ADAMTS17: variants seen among roughly 807,000 people sequenced by gnomAD.
ADAMTS17 encodes A disintegrin and metalloproteinase with thrombospondin motifs 17.
Under a neutral mutation model 141.5 loss-of-function variants are expected in ADAMTS17, and 113 were observed. That is an observed-to-expected ratio of 0.80 (90% confidence interval 0.69 to 0.93). The LOEUF (loss-of-function observed/expected upper bound fraction) is 0.93, where lower values mean the gene tolerates loss of function less well. Among genes scored for constraint, ADAMTS17 ranks in the 40% least tolerant of loss-of-function variants. The pLI is 0.00. For missense variants in ADAMTS17, 1,659 were observed against 1,517.9 expected (o/e 1.09, Z -1.54); for synonymous variants, 768 against 630.6 (o/e 1.22, Z -3.27).
chr15:100,162,422 CTATA>C (rs565707655), intron 8 of ADAMTS17, among the ~76,000 whole-genome samples: 6 of 142,180 alleles, frequency 4.2e-5, no homozygotes, highest in East Asian at 4.1e-4. Flanking sequence ...GTATATATAA[CTATA>C]TAGTTATATA....
intron 7 of ADAMTS17, among the ~76,000 whole-genome samples, chr15:100,233,438 T>A (rs558562476): frequency 9.5e-4 from 145 of 152,160 alleles, no homozygotes; most frequent in Middle Eastern, 6.8e-3. Flanking sequence ...TCCCTAGCAC[T>A]GTGTCCTGAG....
chr15:100,005,536 G>C (rs570699168), intron 18 of ADAMTS17, among the ~76,000 whole-genome samples: 2 of 152,160 alleles, frequency 1.3e-5, no homozygotes, highest in East Asian at 1.9e-4. Context: ...TTCTCACACT[G>C]TGTCACTCCG....
intron 2 of ADAMTS17, among the ~76,000 whole-genome samples, chr15:100,335,965 T>C (rs1366810426): frequency 2.0e-5 from 3 of 152,214 alleles, no homozygotes. Flanking sequence ...CCCTCAGATG[T>C]ACTGGCTGCA....
chr15:100,121,007 A>G (rs1041515671), intron 12 of ADAMTS17, among the ~76,000 whole-genome samples: 3 of 152,254 alleles, frequency 2.0e-5, no homozygotes, highest in African/African-American at 7.2e-5. Context: ...TAATGAGAAT[A>G]TCAATAAAGA....
intron 18 of ADAMTS17, among the ~76,000 whole-genome samples, chr15:100,043,589 A>G (rs1479860748): frequency 6.6e-6 from 1 of 152,210 alleles, no homozygotes; most frequent in Non-Finnish European, 1.5e-5. Flanking sequence ...CGTGTGGGCT[A>G]TGTCTGGCCT....
intron 15 of ADAMTS17, among the ~76,000 whole-genome samples, chr15:100,060,154 T>A (rs2033003544): frequency 6.6e-6 from 1 of 152,248 alleles, no homozygotes; most frequent in South Asian, 2.1e-4. Context: ...AGCTCTGGTT[T>A]GCTGGGGAGA....
Position 100,283,086 on chromosome 15 carries a change from C to T in ADAMTS17, c.617-1685G>A, listed in dbSNP as rs2044337208. On this transcript the variant is annotated intron_variant, in intron 3 of 21. Transcript: ENST00000268070. Reference sequence around the variant, plus strand: ...AATATCATTGAGTTTGAGAAAAACACAGGCATCACTTTTAAACTCTAAACG... The same window carrying T: ...AATATCATTGAGTTTGAGAAAAACATAGGCATCACTTTTAAACTCTAAACG... Among the ~76,000 whole-genome samples the T allele has an allele frequency of 3.9e-5, 6 of 152,312 alleles. No individual in the cohort carries two copies. In the South Asian group the frequency reaches 1.2e-3, roughly 32 times the overall value.
At chr15:100,283,124 C>T (rs1596444854) in intron 3 of ADAMTS17, among the ~76,000 whole-genome samples, 2 of 152,302 alleles carry the variant, frequency 1.3e-5, no homozygotes, top group South Asian at 4.1e-4. Flanking sequence ...AAAACAGAAG[C>T]TCTCGAGGGA....
rs113251423 is a variant in ADAMTS17 at position 99,992,471 on chromosome 15, T to C, written c.2949+577A>G. On this transcript the variant is annotated intron_variant, in intron 20 of 21. Coordinates refer to ENST00000268070, the MANE Select transcript of ADAMTS17 (RefSeq NM_139057.4). ...AGAAAACAGGAATCATTCAAATATA[T>C]CAGATGAATGAATAAAAGAGGAGTT... 3.9e-5 allele frequency among the ~76,000 whole-genome samples: 6 copies of C among 152,278 alleles called. 1 individual carries two copies. The highest frequency in any genetic ancestry group is 1.4e-4 in the African/African-American group (6 of 41,544).
intron 8 of ADAMTS17, among the ~76,000 whole-genome samples, chr15:100,163,056 G>GTA (rs1422055338): frequency 6.9e-6 from 1 of 145,510 alleles, no homozygotes; most frequent in Non-Finnish European, 1.5e-5. Context: ...AACTATATAT[G>GTA]TATATATATG....
At position 99,974,209 on chromosome 15, in the gene ADAMTS17, AAGCC is replaced by A; in HGVS notation, c.*189_*192del. On this transcript the variant is annotated 3_prime_UTR_variant, in exon 22 of 22. Transcript: ENST00000268070. ...ATGCCTACTTTCTCCTCACTGTAGA[AAGCC>A]AGCCAGTGGCTGTTAACAATATATT... is the stretch of plus-strand genomic sequence containing the variant. 1 of 676,380 alleles carries A rather than the reference AAGCC, an allele frequency of 1.5e-6. No individual in the cohort carries two copies. 41.9% of individuals were successfully genotyped at this position (676,380 alleles called of 1,614,324 possible).
chr15:100,151,884 G>C (rs1169687342), intron 10 of ADAMTS17, among the ~76,000 whole-genome samples: 1 of 152,230 alleles, frequency 6.6e-6, no homozygotes, highest in Non-Finnish European at 1.5e-5. Flanking sequence ...CTTGCTGTTT[G>C]CATCATGGTG....
chr15:100,341,766 G>C (rs1433889111), intron 1 of ADAMTS17, 55 bp downstream of exon 1: 18 of 1,532,368 alleles, frequency 1.2e-5, no homozygotes, highest in Non-Finnish European at 1.4e-5. Context: ...CGAGAACGCA[G>C]AGGGAAGGTA....
chr15:100,226,788 A>G (rs528080083), intron 7 of ADAMTS17, among the ~76,000 whole-genome samples: 1 of 152,332 alleles, frequency 6.6e-6, no homozygotes, highest in African/African-American at 2.4e-5. Context: ...TAAACAGAAA[A>G]TAAGTGAGAA....
At chr15:100,017,616 C>T (rs2061317154) in intron 18 of ADAMTS17, among the ~76,000 whole-genome samples, 6 of 152,202 alleles carry the variant, frequency 3.9e-5, no homozygotes, top group South Asian at 2.1e-4. Flanking sequence ...AAACTTCCCC[C>T]GAAAACAGAC....
intron 15 of ADAMTS17, among the ~76,000 whole-genome samples, chr15:100,078,699 A>T (rs964524277): frequency 6.6e-6 from 1 of 152,240 alleles, no homozygotes; most frequent in African/African-American, 2.4e-5. Flanking sequence ...CACACGCAAC[A>T]AAAGAAAAAA....
At chr15:100,192,128 T>C (rs974210589) in intron 8 of ADAMTS17, among the ~76,000 whole-genome samples, 1 of 152,242 alleles carries the variant, frequency 6.6e-6, no homozygotes, top group Non-Finnish European at 1.5e-5. Flanking sequence ...CCGTGCCCAG[T>C]GGACGCTCAC....
chr15:99,976,552 GTT>G (rs1383192051), intron 20 of ADAMTS17: 4 of 492,390 alleles, frequency 8.1e-6, no homozygotes, highest in Non-Finnish European at 3.7e-6. Context: ...TGGAATACAT[GTT>G]TGTGTCTCTG....
rs1262144360 is a variant in ADAMTS17, at chr15:99,971,634, C to T, written c.*2768G>A. ...CAAGTTAACGAATGGAAAATAGATA[C>T]ATTTGACTCTGAAACGAAAAAAGGA... On this transcript the variant is annotated 3_prime_UTR_variant, in exon 22 of 22. Transcript: ENST00000268070. 6.6e-6 allele frequency: 1 copy of T among 152,050 alleles called. No homozygotes were observed. Among genetic ancestry groups the T allele is most frequent in the African/African-American group, 2.4e-5 (1 of 41,402 alleles). 9.4% of individuals were successfully genotyped at this position (152,050 alleles called of 1,614,324 possible).
Sources: gnomAD v4.1 joint callset for allele counts (sites outside exome capture counted in the v4.1 genomes callset) on GRCh38, gnomAD v4.1.1 for gene constraint, MANE v1.5 for transcripts, NCBI Gene and HGNC (gene_info 2026-07-23, HGNC 2026-07-21) for gene names.